UBE2Q1: variants seen among roughly 807,000 people sequenced by gnomAD.
UBE2Q1 encodes the protein ubiquitin-conjugating enzyme E2 Q1.
A neutral mutation model predicts 60.1 loss-of-function variants in UBE2Q1; 6 were observed. The ratio of observed to expected loss-of-function variants is 0.10; its 90% CI spans 0.05 to 0.20. The LOEUF (loss-of-function observed/expected upper bound fraction) is 0.20. Ranked by LOEUF, UBE2Q1 falls within the 10% of genes least tolerant of loss-of-function variation. The pLI, the probability that UBE2Q1 is intolerant of heterozygous loss-of-function variation, is 1.00. For synonymous variants in UBE2Q1, 226 were observed against 208.3 expected, an observed-to-expected ratio of 1.09 and a Z score of -0.73; for missense variants, 262 against 525.8, an observed-to-expected ratio of 0.50 and a Z score of 4.91.
In UBE2Q1 at chr1:154,550,659, A is replaced by G. The variant is rs192232346; in HGVS notation, c.1238-190T>C. ...GATGAGAAGGGGGAATGATGTGCCC[A>G]ACCTGAGATGATGGGAGAGTTAGAT... is the stretch of plus-strand genomic sequence containing the variant. On this transcript the variant is annotated intron_variant, in intron 12 of 12. Coordinates refer to ENST00000292211, the MANE Select transcript of UBE2Q1 (RefSeq NM_017582.7). 29 of 985,372 alleles carry G rather than the reference A, an allele frequency of 2.9e-5. No homozygotes were observed. In the East Asian group the frequency reaches 3.1e-3, roughly 104 times the overall value. The allele number at this position is 985,372 out of a possible 1,614,324, so 61.0% of individuals were successfully genotyped here.
At position 154,551,329 on chromosome 1, in the gene UBE2Q1, G is replaced by C; in HGVS notation, c.1170+68C>G. The C allele has an allele frequency of 5.2e-6, 8 of 1,529,334 alleles. No individual in the cohort carries two copies. The South Asian group carries it at 9.1e-5, about 17-fold the overall frequency. The allele number at this position is 1,529,334 out of a possible 1,614,324, so 94.7% of individuals were successfully genotyped here. On this transcript the variant is annotated intron_variant, in intron 11 of 12. Coordinates refer to ENST00000292211, the MANE Select transcript of UBE2Q1 (RefSeq NM_017582.7). ...CATTCCTCTAAAGAAGGCAGCCTTG[G>C]CCTGCTAGTGGCCCCAAGTGTACTT... is the stretch of plus-strand genomic sequence containing the variant.
Position 154,549,534 on chromosome 1 carries a change from A to G in UBE2Q1, c.*904T>C, listed in dbSNP as rs1695755431. 1 of 152,718 alleles carries G rather than the reference A, an allele frequency of 6.5e-6. No homozygotes were observed. The highest frequency in any genetic ancestry group is 2.4e-5 in the African/African-American group (1 of 41,440). 9.5% of individuals were successfully genotyped at this position (152,718 alleles called of 1,614,324 possible). On this transcript the variant is annotated 3_prime_UTR_variant, in exon 13 of 13. Coordinates refer to ENST00000292211, the MANE Select transcript of UBE2Q1 (RefSeq NM_017582.7). Reference sequence around the variant, plus strand: ...GGAGAGGAACCAATGAACAGCGAAGAGTTGCAGCCACACAGCTGAGATCAG... The same window carrying G: ...GGAGAGGAACCAATGAACAGCGAAGGGTTGCAGCCACACAGCTGAGATCAG...
At chr1:154,552,240 G>T (rs1695802234) in intron 7 of UBE2Q1, 57 bp from the exon 8 acceptor site, 1 of 1,603,692 alleles carries the variant, frequency 6.2e-7, no homozygotes, top group African/African-American at 1.3e-5. Context: ...AGCTTCATAA[G>T]GGCTCCCCTG....
At chr1:154,552,281 G>A (rs575133021) in intron 7 of UBE2Q1, 98 bp from the exon 8 acceptor site, 2 of 1,588,134 alleles carry the variant, frequency 1.3e-6, no homozygotes, top group South Asian at 2.2e-5. Context: ...CGAAACCACT[G>A]CCCACACCCG....
intron 7 of UBE2Q1, 72 bp downstream of exon 7, chr1:154,552,332 G>A (rs113687056): frequency 0.014 from 22,637 of 1,600,134 alleles, 723 homozygotes; most frequent in African/African-American, 0.13. Flanking sequence ...GGGCTGCCCT[G>A]GAGATCCCAC....
In UBE2Q1 at chr1:154,549,327, C is replaced by T. The variant is rs1024458107; in HGVS notation, c.*1111G>A. 2 of 152,230 alleles carry T rather than the reference C, an allele frequency of 1.3e-5. No homozygotes were observed. The highest frequency in any genetic ancestry group is 2.9e-5 in the Non-Finnish European group (2 of 68,046). The allele number at this position is 152,230 out of a possible 1,614,324, so 9.4% of individuals were successfully genotyped here. A position where few individuals can be genotyped will look rare whatever the true frequency, so the allele number is the denominator to read the frequency against. On this transcript the variant is annotated 3_prime_UTR_variant, in exon 13 of 13. Coordinates refer to ENST00000292211, the MANE Select transcript of UBE2Q1 (RefSeq NM_017582.7). Reference sequence around the variant, plus strand: ...GTATAGAACAACCCCCCTTAAAATGCTAACCCTTTCTAGTAGGACCCACCT... The same window carrying T: ...GTATAGAACAACCCCCCTTAAAATGTTAACCCTTTCTAGTAGGACCCACCT...
intron 12 of UBE2Q1, 124 bp downstream of exon 12, chr1:154,550,814 G>C (rs548921953): frequency 6.4e-7 from 1 of 1,570,394 alleles, no homozygotes; most frequent in African/African-American, 1.3e-5. Flanking sequence ...AACTGGGGCA[G>C]GTGCTGTGTT....
Position 154,558,651 on chromosome 1 carries a change from T to A in UBE2Q1, c.-98A>T. ...GCCGCCGCCGCCGCCGCCGCCGCGGTCCGCACTTCCTGATCCCCCCTTCGC... is the reference window on the plus strand; with the variant it reads ...GCCGCCGCCGCCGCCGCCGCCGCGGACCGCACTTCCTGATCCCCCCTTCGC... On this transcript the variant is annotated 5_prime_UTR_variant, in exon 1 of 13. Transcript: ENST00000292211. 1 of 972,424 alleles carries A rather than the reference T, an allele frequency of 1.0e-6. No individual in the cohort carries two copies. Among genetic ancestry groups the A allele is most frequent in the Non-Finnish European group, 1.2e-6 (1 of 822,460 alleles). 60.2% of individuals were successfully genotyped at this position (972,424 alleles called of 1,614,324 possible).
chr1:154,558,206 C>CGCA, intron 1 of UBE2Q1, 21 bp downstream of exon 1: 1 of 1,502,340 alleles, frequency 6.7e-7, no homozygotes, highest in Non-Finnish European at 8.9e-7. Flanking sequence ...CCCACAGAGG[C>CGCA]GCACGCGAGG....
chr1:154,557,428 G>A (rs1019183822), intron 1 of UBE2Q1, among the ~76,000 whole-genome samples: 3 of 152,240 alleles, frequency 2.0e-5, no homozygotes, highest in African/African-American at 4.8e-5. Flanking sequence ...CCAGGCAGGA[G>A]ACATGTAAGG....
At chr1:154,550,908 G>GA in intron 12 of UBE2Q1, 30 bp downstream of exon 12, 1 of 1,613,972 alleles carries the variant, frequency 6.2e-7, no homozygotes, top group Non-Finnish European at 8.5e-7. Context: ...GCAAGTGTCC[G>GA]AATCTCCTGA....
At chr1:154,553,988 A>G (rs115204303) in intron 4 of UBE2Q1, among the ~76,000 whole-genome samples, 2,325 of 152,348 alleles carry the variant, frequency 0.015, 59 homozygotes, top group African/African-American at 0.053. Flanking sequence ...AAAAGTAATC[A>G]GAGTGATCTC....
intron 4 of UBE2Q1, among the ~76,000 whole-genome samples, 179 bp from the exon 5 acceptor site, chr1:154,553,351 T>G (rs1695825591): frequency 6.6e-6 from 1 of 152,220 alleles, no homozygotes; most frequent in African/African-American, 2.4e-5. Context: ...TCCAGCCCCA[T>G]TCCCTCCACA....
In UBE2Q1 at chr1:154,558,456, C is replaced by A. The variant is rs1448704725; in HGVS notation, c.98G>T (p.Gly33Val). 4.3e-6 allele frequency: 6 copies of A among 1,387,200 alleles called. No individual in the cohort carries two copies. The highest frequency in any genetic ancestry group is 3.7e-6 in the Non-Finnish European group (4 of 1,072,676). The allele number at this position is 1,387,200 out of a possible 1,614,324, so 85.9% of individuals were successfully genotyped here. ...AAPGAGGGPG[G>V]GPGPGPCLRR... ...CAGGCAGGGCCCCGGCCCCGGGCCCCCCCCTGGGCCGCCCCCGGCCCCCGG... is the reference window on the plus strand; with the variant it reads ...CAGGCAGGGCCCCGGCCCCGGGCCCACCCCTGGGCCGCCCCCGGCCCCCGG... The change falls in exon 1 of 13, where the codon GGG becomes GTG. Residue 33 changes from glycine (G) to valine (V), a missense_variant. Coordinates refer to ENST00000292211, the MANE Select transcript of UBE2Q1 (RefSeq NM_017582.7).
At position 154,551,255 on chromosome 1, in the gene UBE2Q1, G is replaced by A. The variant is rs1695786887; in HGVS notation, c.1170+142C>T. ...CCAAGGCACAGTTGTTCCATTGTGGGCACCCTAGGCCCTCTCATCCAATGC... is the reference window on the plus strand; with the variant it reads ...CCAAGGCACAGTTGTTCCATTGTGGACACCCTAGGCCCTCTCATCCAATGC... On this transcript the variant is annotated intron_variant, in intron 11 of 12. Coordinates refer to ENST00000292211, the MANE Select transcript of UBE2Q1 (RefSeq NM_017582.7). The A allele has an allele frequency of 5.4e-6, 5 of 924,056 alleles. No homozygotes were observed. In the East Asian group the frequency reaches 1.2e-4, roughly 23 times the overall value. 57.2% of individuals were successfully genotyped at this position (924,056 alleles called of 1,614,324 possible).
chr1:154,555,755 T>C (rs901630708), intron 2 of UBE2Q1, 105 bp downstream of exon 2: 29 of 1,090,756 alleles, frequency 2.7e-5, no homozygotes, highest in African/African-American at 2.5e-4. Context: ...ATCCCCTAAA[T>C]GTTTAGCTGT....
At chr1:154,556,418 A>G (rs890463449) in intron 1 of UBE2Q1, among the ~76,000 whole-genome samples, 9 of 152,226 alleles carry the variant, frequency 5.9e-5, no homozygotes, top group Non-Finnish European at 1.2e-4. Flanking sequence ...AAAAAAGCAG[A>G]GTTCAGTAGG....
chr1:154,555,460 C>T lies in UBE2Q1; in HGVS notation c.505G>A (p.Glu169Lys), dbSNP rs1199621876. 6.2e-7 allele frequency: 1 copy of T among 1,614,032 alleles called. No individual in the cohort carries two copies. Among genetic ancestry groups the T allele is most frequent in the African/African-American group, 1.3e-5 (1 of 74,922 alleles). ...GCTGGCAAGGGTTGATCCAGCATCT[C>T]CACATCTGGATGCTGAGGGAGGTTA... ...LYNLPQHPDV[E>K]MLDQPLPAEQ... is the part of the protein sequence containing the mutation. Residue 169 changes from glutamate (E) to lysine (K), a missense_variant, in exon 3 of 13, where the codon GAG (glutamate) becomes AAG (lysine). Physicochemically the swap from Glu to Lys is moderately conservative, Grantham distance 56. Transcript: ENST00000292211.
chr1:154,558,513 G>T lies in UBE2Q1; in HGVS notation c.41C>A (p.Pro14Gln), dbSNP rs1402375108. ...CCCCTGGCCCCCCAGCTGCTGCCCC[G>T]GCCCCGGCTGCTGCTGCCCCTGCGG... is the stretch of plus-strand genomic sequence containing the variant. ...PQPQGQQQPG[P>Q]GQQLGGQGAA... Residue 14 changes from proline (P) to glutamine (Q), a missense_variant, in exon 1 of 13, where the codon CCG (proline) becomes CAG (glutamine). Around this residue, in one of 5 missense-constraint regions of UBE2Q1, gnomAD observed 70 missense variants for 56.7 expected, o/e 1.24. Transcript: ENST00000292211. 9.3e-7 allele frequency: 1 copy of T among 1,075,984 alleles called. No individual in the cohort carries two copies. 66.7% of individuals were successfully genotyped at this position (1,075,984 alleles called of 1,614,324 possible). A position where few individuals can be genotyped will look rare whatever the true frequency, so the allele number is the denominator to read the frequency against.
Sources: allele counts gnomAD v4.1 joint callset (sites outside exome capture counted in the v4.1 genomes callset), GRCh38; gene constraint gnomAD v4.1.1; regional missense constraint gnomAD v4.1.1; transcripts MANE v1.5; gene names NCBI Gene and HGNC (gene_info 2026-07-23, HGNC 2026-07-21).